SCAI: variants seen among roughly 807,000 people sequenced by gnomAD.
The protein encoded by SCAI is suppressor of cancer cell invasion, also known as protein SCAI.
A neutral mutation model predicts 92.2 loss-of-function variants in SCAI; 24 were observed. That is an observed-to-expected ratio of 0.26 (90% confidence interval 0.19 to 0.37). The LOEUF (loss-of-function observed/expected upper bound fraction) is 0.37, where lower values mean the gene tolerates loss of function less well. Ranked by LOEUF, SCAI falls within the 10% of genes least tolerant of loss-of-function variation. The probability of loss-of-function intolerance (pLI) is 1.00; values close to 1 mark genes in which losing one functional copy is unlikely to be tolerated. For missense variants in SCAI, 450 were observed against 736.2 expected (o/e 0.61, Z 4.50); for synonymous variants, 261 against 258.6 (o/e 1.01, Z -0.09).
intron 2 of SCAI, among the ~76,000 whole-genome samples, chr9:125,077,967 C>A (rs375068009): frequency 2.6e-5 from 4 of 151,960 alleles, no homozygotes. Context: ...GATCCACACC[C>A]CCCCCGCCTC....
intron 9 of SCAI, among the ~76,000 whole-genome samples, chr9:125,004,779 ATTTTT>A (rs869167558): frequency 7.6e-5 from 1 of 13,170 alleles, no homozygotes; most frequent in Non-Finnish European, 1.4e-4. Context: ...ATATATATAT[ATTTTT>A]TTTTTTTTTT....
At chr9:125,047,066 G>A (rs554087305) in intron 3 of SCAI, among the ~76,000 whole-genome samples, 114 of 152,134 alleles carry the variant, frequency 7.5e-4, no homozygotes, top group African/African-American at 2.7e-3. Context: ...TAAAACCAAG[G>A]GTTATGGGCT....
chr9:125,032,195 A>ATATATTATT (rs1177865840), intron 3 of SCAI, among the ~76,000 whole-genome samples: 1 of 99,476 alleles, frequency 1.0e-5, no homozygotes, highest in Admixed American at 1.3e-4. Flanking sequence ...ATATATATAT[A>ATATATTATT]TTTTTTTTTT....
At chr9:125,056,837 G>A (rs1329785037) in intron 2 of SCAI, among the ~76,000 whole-genome samples, 1 of 152,150 alleles carries the variant, frequency 6.6e-6, no homozygotes, top group African/African-American at 2.4e-5. Flanking sequence ...CTCTGTTTAA[G>A]AAGGTGAGGC....
chr9:125,063,018 C>CAAAAAAAAAA (rs71374223), intron 2 of SCAI, among the ~76,000 whole-genome samples: 1 of 85,638 alleles, frequency 1.2e-5, no homozygotes, highest in African/African-American at 4.9e-5. Flanking sequence ...GACTCCGTCT[C>CAAAAAAAAAA]AAAAAAAAAA....
At chr9:125,015,391 T>G (rs1832736768) in intron 9 of SCAI, among the ~76,000 whole-genome samples, 1 of 152,120 alleles carries the variant, frequency 6.6e-6, no homozygotes, top group Admixed American at 6.5e-5. Flanking sequence ...CAGACACTTC[T>G]CAAAAGAAGA....
chr9:125,006,153 T>C (rs1410127182), intron 9 of SCAI, among the ~76,000 whole-genome samples: 1 of 151,978 alleles, frequency 6.6e-6, no homozygotes, highest in Non-Finnish European at 1.5e-5. Flanking sequence ...ACAAAAATCA[T>C]AAAACGCATG....
Position 125,076,050 on chromosome 9 carries a change from C to A in SCAI, c.99-20043G>T, listed in dbSNP as rs1201914592. 3.3e-5 allele frequency among the ~76,000 whole-genome samples: 5 copies of A among 152,130 alleles called. No homozygotes were observed. The East Asian group carries it at 5.8e-4, about 18-fold the overall frequency. Reference sequence around the variant, plus strand: ...TATACAAAGATGAGAGCAACAGTGGCCAACAGTCTGTGTATGTAGTATAAA... The same window carrying A: ...TATACAAAGATGAGAGCAACAGTGGACAACAGTCTGTGTATGTAGTATAAA... On this transcript the variant is annotated intron_variant, in intron 2 of 17. Transcript: ENST00000336505.
intron 14 of SCAI, among the ~76,000 whole-genome samples, chr9:124,994,130 GTTC>G (rs1287765614): frequency 6.6e-6 from 1 of 151,452 alleles, no homozygotes; most frequent in Non-Finnish European, 1.5e-5. Context: ...TACCTCCCAG[GTTC>G]AAGTGAGTCT....
intron 17 of SCAI, among the ~76,000 whole-genome samples, chr9:124,963,707 G>A (rs907814898): frequency 2.4e-5 from 3 of 123,242 alleles, no homozygotes; most frequent in East Asian, 2.4e-4. Flanking sequence ...CTGAGATCGC[G>A]CCACTGTGCT....
intron 2 of SCAI, among the ~76,000 whole-genome samples, chr9:125,084,564 A>C (rs923102515): frequency 6.6e-6 from 1 of 152,094 alleles, no homozygotes; most frequent in African/African-American, 2.4e-5. Context: ...CTGGGGCCAA[A>C]GCTGCTTCTT....
chr9:125,105,471 C>G (rs1834757273), intron 2 of SCAI, among the ~76,000 whole-genome samples: 1 of 152,206 alleles, frequency 6.6e-6, no homozygotes. Flanking sequence ...AGTGTAGTAT[C>G]TGTTCTTATC....
chr9:125,085,494 G>GA (rs60913083), intron 2 of SCAI, among the ~76,000 whole-genome samples: 18 of 150,718 alleles, frequency 1.2e-4, no homozygotes, highest in African/African-American at 3.2e-4. Flanking sequence ...TCTCAAAAAA[G>GA]AAAAAAAATC....
intron 17 of SCAI, among the ~76,000 whole-genome samples, chr9:124,963,141 T>A (rs184789480): frequency 1.3e-5 from 2 of 148,626 alleles, no homozygotes; most frequent in African/African-American, 5.0e-5. Flanking sequence ...GAGAAAAGAA[T>A]TTTTTCCCCC....
Position 125,027,541 on chromosome 9 carries a change from C to A in SCAI, c.414-631G>T, listed in dbSNP as rs970695477. On this transcript the variant is annotated intron_variant, in intron 5 of 17. Transcript: ENST00000336505. ...TTTTCTAATTTTTTATTTTTTGAGA[C>A]AGAGTTTCACTCTTGTTGCCCAGGC... 5.9e-5 allele frequency among the ~76,000 whole-genome samples: 9 copies of A among 152,038 alleles called. No individual in the cohort carries two copies. The South Asian group carries it at 1.9e-3, about 32-fold the overall frequency.
intron 3 of SCAI, among the ~76,000 whole-genome samples, chr9:125,038,371 A>G (rs572464520): frequency 6.6e-6 from 1 of 152,228 alleles, no homozygotes; most frequent in Non-Finnish European, 1.5e-5. Context: ...TTTTCTTGAG[A>G]TAAACTGGGT....
intron 9 of SCAI, among the ~76,000 whole-genome samples, chr9:125,008,383 C>T (rs1832559777): frequency 1.3e-5 from 2 of 152,144 alleles, no homozygotes; most frequent in Non-Finnish European, 2.9e-5. Flanking sequence ...GTGATCTACC[C>T]AGCTAGGCCT....
At chr9:124,989,620 A>C (rs543862508) in intron 14 of SCAI, among the ~76,000 whole-genome samples, 1 of 152,222 alleles carries the variant, frequency 6.6e-6, no homozygotes, top group Non-Finnish European at 1.5e-5. Flanking sequence ...ACGATGGCTC[A>C]TGCCTGTAAT....
At chr9:125,003,893 G>A (rs1832416966) in intron 9 of SCAI, among the ~76,000 whole-genome samples, 1 of 151,908 alleles carries the variant, frequency 6.6e-6, no homozygotes, top group Admixed American at 6.6e-5. Context: ...GAAACACAGG[G>A]GGCCATGCAT....
Sources: gnomAD v4.1 joint callset for allele counts (sites outside exome capture counted in the v4.1 genomes callset) on GRCh38, gnomAD v4.1.1 for gene constraint, MANE v1.5 for transcripts, NCBI Gene and HGNC (gene_info 2026-07-23, HGNC 2026-07-21) for gene names.